The following BZW2 variants were observed in gnomAD, a reference collection of about 807,000 sequenced individuals.
BZW2 encodes basic leucine zipper and W2 domains 2, also known as eIF5-mimic protein 1.
In BZW2, 23 loss-of-function variants were observed where a neutral mutation model predicts 53.2. The ratio of observed to expected loss-of-function variants is 0.43; its 90% CI spans 0.31 to 0.61. The LOEUF (loss-of-function observed/expected upper bound fraction) is 0.61, where lower values mean the gene tolerates loss of function less well. Ranked by LOEUF, BZW2 falls within the 20% of genes least tolerant of loss-of-function variation. The pLI, the probability that BZW2 is intolerant of heterozygous loss-of-function variation, is 0.09. For missense variants in BZW2, 409 were observed against 503.1 expected (o/e 0.81, Z 1.79); for synonymous variants, 227 against 186.4 (o/e 1.22, Z -1.77).
intron 7 of BZW2, 89 bp downstream of exon 7, chr7:16,689,995 C>A (rs1583742363): frequency 6.7e-6 from 6 of 889,622 alleles, no homozygotes; most frequent in African/African-American, 1.7e-5. Flanking sequence ...AGTAAGATCC[C>A]TGGATCTGTG....
intron 6 of BZW2, chr7:16,686,280 A>C: frequency 2.2e-6 from 1 of 450,180 alleles, no homozygotes. Flanking sequence ...AGAAAGACTA[A>C]TAGCAAATTA....
chr7:16,662,954 A>T (rs527277016), intron 1 of BZW2, among the ~76,000 whole-genome samples: 1 of 152,184 alleles, frequency 6.6e-6, no homozygotes, highest in Non-Finnish European at 1.5e-5. Flanking sequence ...TAACACAAAT[A>T]TATTTTGTAT....
At position 16,692,075 on chromosome 7, in the gene BZW2, T is replaced by A. The variant is rs181919699; in HGVS notation, c.651+2169T>A. ...GTCAGTTCCACTCTTTAGGAGGAAA[T>A]TTTGTTTTATGAACATATACAACAA... On this transcript the variant is annotated intron_variant, in intron 7 of 11. Coordinates refer to ENST00000258761, the MANE Select transcript of BZW2 (RefSeq NM_014038.3). 5.3e-5 allele frequency among the ~76,000 whole-genome samples: 8 copies of A among 152,330 alleles called. No homozygotes were observed. In the East Asian group the frequency reaches 1.5e-3, roughly 29 times the overall value.
rs1395340568 is a variant in BZW2, at chr7:16,658,238, T to C, written c.-7-7199T>C. Among the ~76,000 whole-genome samples the C allele has an allele frequency of 5.9e-5, 9 of 152,182 alleles. No individual in the cohort carries two copies. In the East Asian group the frequency reaches 1.7e-3, roughly 29 times the overall value. On this transcript the variant is annotated intron_variant, in intron 1 of 11. Transcript: ENST00000258761. Reference sequence around the variant, plus strand: ...AGAGACCAGGAAGTGATTCCTAGAATGAAAGGATTTTAGGAATTAATTTAT... The same window carrying C: ...AGAGACCAGGAAGTGATTCCTAGAACGAAAGGATTTTAGGAATTAATTTAT...
intron 1 of BZW2, among the ~76,000 whole-genome samples, chr7:16,659,619 A>C (rs1249929960): frequency 6.6e-6 from 1 of 152,102 alleles, no homozygotes; most frequent in African/African-American, 2.4e-5. Flanking sequence ...AATGTTGTAT[A>C]GTTATGGGTA....
chr7:16,658,600 G>A (rs1782173412), intron 1 of BZW2, among the ~76,000 whole-genome samples: 1 of 152,108 alleles, frequency 6.6e-6, no homozygotes, highest in Non-Finnish European at 1.5e-5. Context: ...CTGTCGGCCA[G>A]GCGCAGTGGC....
At chr7:16,659,851 T>G (rs1399685212) in intron 1 of BZW2, among the ~76,000 whole-genome samples, 1 of 150,072 alleles carries the variant, frequency 6.7e-6, no homozygotes, top group Non-Finnish European at 1.5e-5. Flanking sequence ...TTTATTTTTT[T>G]ATTTTTTTTT....
chr7:16,674,484 A>T lies in BZW2; in HGVS notation c.131A>T (p.Asp44Val). The T allele has an allele frequency of 6.2e-7, 1 of 1,613,628 alleles. No individual in the cohort carries two copies. Among genetic ancestry groups the T allele is most frequent in the Non-Finnish European group, 8.5e-7 (1 of 1,179,670 alleles). ...CAGGGGCTTAATGAGGCTGGTGATGACCTTGAAGCTGTAGCCAAATTTCTG... is the reference window on the plus strand; with the variant it reads ...CAGGGGCTTAATGAGGCTGGTGATGTCCTTGAAGCTGTAGCCAAATTTCTG... ...LVQGLNEAGD[D>V]LEAVAKFLDS... is the part of the protein sequence containing the mutation. The change falls in exon 3 of 12, where the codon GAC becomes GTC. Residue 44 changes from aspartate to valine, a missense_variant. Physicochemically the swap from Asp to Val is radical, Grantham distance 152 (BLOSUM62 -3). Around this residue, in one of 3 missense-constraint regions of BZW2, gnomAD observed 316 missense variants for 366.8 expected, o/e 0.86. Transcript: ENST00000258761.
chr7:16,683,848 T>A (rs1034358704), intron 5 of BZW2, among the ~76,000 whole-genome samples: 4 of 152,164 alleles, frequency 2.6e-5, no homozygotes, highest in African/African-American at 9.7e-5. Context: ...CCCTACTTAC[T>A]TACTCTCCCC....
At chr7:16,687,155 G>C (rs935598637) in intron 6 of BZW2, 3 of 151,918 alleles carry the variant, frequency 2.0e-5, no homozygotes, top group Non-Finnish European at 4.4e-5. Context: ...CAAAAATTAC[G>C]TTATTAGGTG....
intron 7 of BZW2, among the ~76,000 whole-genome samples, chr7:16,692,142 G>C (rs1783328415): frequency 6.6e-6 from 1 of 152,146 alleles, no homozygotes; most frequent in South Asian, 2.1e-4. Flanking sequence ...AGGAAAAGTT[G>C]TGTATTACTA....
chr7:16,675,410 T>C (rs1782734787), intron 3 of BZW2, among the ~76,000 whole-genome samples: 1 of 152,204 alleles, frequency 6.6e-6, no homozygotes, highest in Non-Finnish European at 1.5e-5. Flanking sequence ...TAATGAAAGA[T>C]TGCCTTGCCC....
chr7:16,661,044 T>C (rs975425326), intron 1 of BZW2, among the ~76,000 whole-genome samples: 23 of 152,132 alleles, frequency 1.5e-4, no homozygotes, highest in African/African-American at 5.3e-4. Flanking sequence ...TTACAAAAAA[T>C]GTTGTGTTCC....
At chr7:16,686,252 C>T in intron 6 of BZW2, 1 of 642,380 alleles carries the variant, frequency 1.6e-6, no homozygotes, top group East Asian at 3.2e-5. Flanking sequence ...ATATGCACAC[C>T]TGTACAAAGA....
chr7:16,679,794 T>G (rs1782881553), intron 3 of BZW2, among the ~76,000 whole-genome samples: 2 of 152,256 alleles, frequency 1.3e-5, no homozygotes, highest in African/African-American at 4.8e-5. Context: ...TAGAAACATT[T>G]GTTGTGTATA....
intron 1 of BZW2, among the ~76,000 whole-genome samples, chr7:16,654,748 A>G (rs1782078718): frequency 1.3e-5 from 2 of 151,108 alleles, no homozygotes; most frequent in Admixed American, 6.6e-5. Flanking sequence ...CATGTTGCCC[A>G]GGCTTGTCTC....
At chr7:16,699,058 G>T (rs1479088648) in intron 10 of BZW2, among the ~76,000 whole-genome samples, 1 of 152,136 alleles carries the variant, frequency 6.6e-6, no homozygotes, top group Non-Finnish European at 1.5e-5. Context: ...TTTTAAAAAT[G>T]CTTAATAGCA....
chr7:16,695,102 C>T, intron 8 of BZW2, 98 bp downstream of exon 8: 2 of 1,156,024 alleles, frequency 1.7e-6, no homozygotes, highest in Non-Finnish European at 2.3e-6. Context: ...CTGTCCTATG[C>T]TTATTGCTGT....
At chr7:16,694,393 C>A (rs532236636) in intron 7 of BZW2, among the ~76,000 whole-genome samples, 76 of 152,270 alleles carry the variant, frequency 5.0e-4, no homozygotes, top group Non-Finnish European at 8.7e-4. Flanking sequence ...CTGGTGGGGA[C>A]TCTGCAGTGT....
Sources: allele counts gnomAD v4.1 joint callset (sites outside exome capture counted in the v4.1 genomes callset), GRCh38; gene constraint gnomAD v4.1.1; regional missense constraint gnomAD v4.1.1; transcripts MANE v1.5; gene names NCBI Gene and HGNC (gene_info 2026-07-23, HGNC 2026-07-21).